Variants in RNF220 observed in about 807,000 individuals in gnomAD.
RNF220 encodes the protein ring finger protein 220, also known as E3 ubiquitin-protein ligase RNF220.
A neutral mutation model predicts 67.1 loss-of-function variants in RNF220; 7 were observed. That is an observed-to-expected ratio of 0.10 (90% CI 0.06 to 0.20). The LOEUF is 0.20. RNF220 is among the 10% of genes least tolerant of loss of function. The pLI is 1.00. For missense variants in RNF220, 565 were observed against 740.3 expected, an observed-to-expected ratio of 0.76 and a Z score of 2.75; for synonymous variants, 270 against 283.2, an observed-to-expected ratio of 0.95 and a Z score of 0.47.
intron 2 of RNF220, among the ~76,000 whole-genome samples, chr1:44,459,725 C>T (rs759950897): frequency 6.6e-6 from 1 of 152,002 alleles, no homozygotes; most frequent in Non-Finnish European, 1.5e-5. Flanking sequence ...GCGGAACTGC[C>T]GATGAAAGAG....
chr1:44,604,052 T>A (rs1293069000), intron 2 of RNF220, among the ~76,000 whole-genome samples: 1 of 152,212 alleles, frequency 6.6e-6, no homozygotes, highest in Non-Finnish European at 1.5e-5. Flanking sequence ...AACAGTACAG[T>A]CTTAGCATTT....
intron 2 of RNF220, among the ~76,000 whole-genome samples, chr1:44,508,310 T>A (rs967453811): frequency 5.3e-5 from 8 of 151,938 alleles, no homozygotes; most frequent in Non-Finnish European, 7.4e-5. Flanking sequence ...GGTTTGCTAG[T>A]GCATCTCCAG....
chr1:44,596,290 G>A (rs1052918613), intron 2 of RNF220, among the ~76,000 whole-genome samples: 1 of 152,230 alleles, frequency 6.6e-6, no homozygotes, highest in East Asian at 1.9e-4. Flanking sequence ...GGCTGGGTGC[G>A]GTGGCTCATG....
chr1:44,614,453 C>G (rs1212948474), intron 3 of RNF220, among the ~76,000 whole-genome samples, 156 bp downstream of exon 3: 1 of 152,224 alleles, frequency 6.6e-6, no homozygotes, highest in African/African-American at 2.4e-5. Context: ...ATCCTCAGAT[C>G]TTTCCGCTGA....
At chr1:44,519,951 T>G (rs575584031) in intron 2 of RNF220, among the ~76,000 whole-genome samples, 1 of 152,110 alleles carries the variant, frequency 6.6e-6, no homozygotes, top group South Asian at 2.1e-4. Flanking sequence ...ATCCATATAT[T>G]AGAAAGATAA....
At chr1:44,518,138 C>T (rs1406513356) in intron 2 of RNF220, among the ~76,000 whole-genome samples, 1 of 151,974 alleles carries the variant, frequency 6.6e-6, no homozygotes, top group South Asian at 2.1e-4. Context: ...AATAAATCCA[C>T]CTCTAGGCTG....
At chr1:44,614,082 C>A (rs1244076889) in intron 2 of RNF220, 83 bp from the exon 3 acceptor site, 7 of 1,576,688 alleles carry the variant, frequency 4.4e-6, no homozygotes, top group Non-Finnish European at 6.1e-6. Context: ...CAGCAGCAGG[C>A]TTGGGTTTCA....
chr1:44,437,319 C>T (rs1651078985), intron 2 of RNF220, among the ~76,000 whole-genome samples: 1 of 152,176 alleles, frequency 6.6e-6, no homozygotes, highest in African/African-American at 2.4e-5. Context: ...TAAGGAGGAG[C>T]AATTCTGATT....
chr1:44,530,410 C>T (rs944082622), intron 2 of RNF220, among the ~76,000 whole-genome samples: 1 of 151,748 alleles, frequency 6.6e-6, no homozygotes, highest in Non-Finnish European at 1.5e-5. Context: ...TTCACAAATG[C>T]AGATGTACAA....
At chr1:44,468,824 C>T (rs549937414) in intron 2 of RNF220, among the ~76,000 whole-genome samples, 120 of 151,848 alleles carry the variant, frequency 7.9e-4, no homozygotes, top group Non-Finnish European at 1.3e-3. Context: ...GGCTGAGGCA[C>T]GAGAATTGCT....
At position 44,557,197 on chromosome 1, in the gene RNF220, A is replaced by T. The variant is rs553777178; in HGVS notation, c.626-56968A>T. Among the ~76,000 whole-genome samples the T allele has an allele frequency of 8.5e-4, 123 of 145,350 alleles. 2 individuals are homozygous for T. In the East Asian group the frequency reaches 0.014, roughly 17 times the overall value. The stretch of plus-strand genomic sequence containing the variant: ...TATATTAATATATAATATATATTTT[A>T]TATATATATATATAAGCTTCTTGAT... On this transcript the variant is annotated intron_variant, in intron 2 of 14. Coordinates refer to ENST00000361799, the MANE Select transcript of RNF220 (RefSeq NM_018150.4).
intron 2 of RNF220, among the ~76,000 whole-genome samples, chr1:44,443,830 C>T (rs1651801098): frequency 6.6e-6 from 1 of 152,218 alleles, no homozygotes; most frequent in East Asian, 1.9e-4. Context: ...GTGGCTCACA[C>T]CTGTAATCCC....
At chr1:44,519,463 G>C (rs1659732330) in intron 2 of RNF220, among the ~76,000 whole-genome samples, 1 of 152,238 alleles carries the variant, frequency 6.6e-6, no homozygotes, top group South Asian at 2.1e-4. Flanking sequence ...CCTGGGGAAA[G>C]TAACACCCCA....
intron 2 of RNF220, among the ~76,000 whole-genome samples, chr1:44,493,922 A>T (rs972423109): frequency 6.6e-6 from 1 of 152,128 alleles, no homozygotes; most frequent in African/African-American, 2.4e-5. Context: ...AAGGAAAAAA[A>T]TGGCCCAGGC....
intron 2 of RNF220, among the ~76,000 whole-genome samples, chr1:44,602,199 C>T (rs547155632): frequency 7.2e-5 from 11 of 152,072 alleles, no homozygotes; most frequent in Admixed American, 4.6e-4. Flanking sequence ...TGATGGGCTT[C>T]GGGGAGAGAG....
chr1:44,518,893 A>C (rs55897190), intron 2 of RNF220, among the ~76,000 whole-genome samples: 24,117 of 146,144 alleles, frequency 0.17, 2,118 homozygotes, highest in Non-Finnish European at 0.2. Context: ...AAAAAACAAA[A>C]AAAAAAAAAC....
At chr1:44,534,823 C>T (rs1017669370) in intron 2 of RNF220, among the ~76,000 whole-genome samples, 2 of 152,172 alleles carry the variant, frequency 1.3e-5, no homozygotes, top group South Asian at 2.1e-4. Context: ...CAAATCATTA[C>T]GTCTCTAGTC....
intron 2 of RNF220, among the ~76,000 whole-genome samples, chr1:44,477,457 G>C (rs1227441333): frequency 6.6e-6 from 1 of 152,184 alleles, no homozygotes; most frequent in Non-Finnish European, 1.5e-5. Context: ...AATGAGCAAG[G>C]ACATTTCAAA....
chr1:44,429,415 G>T (rs781095190), intron 2 of RNF220, among the ~76,000 whole-genome samples: 2 of 152,310 alleles, frequency 1.3e-5, no homozygotes, highest in Non-Finnish European at 2.9e-5. Context: ...GGTTCAGGAG[G>T]GCCAGCAGGC....
Sources: allele counts gnomAD v4.1 joint callset (sites outside exome capture counted in the v4.1 genomes callset), GRCh38; gene constraint gnomAD v4.1.1; transcripts MANE v1.5; gene names NCBI Gene and HGNC (gene_info 2026-07-23, HGNC 2026-07-21).